The following GAB2 variants were observed in gnomAD, a reference collection of about 807,000 sequenced individuals.
GAB2 encodes the protein GRB2 associated binding protein 2, also known as GRB2-associated-binding protein 2.
Under a neutral mutation model 65.5 loss-of-function variants are expected in GAB2, and 26 were observed. The ratio of observed to expected loss-of-function variants is 0.40; its 90% CI spans 0.29 to 0.55. The LOEUF (loss-of-function observed/expected upper bound fraction) is 0.55. Among genes scored for constraint, GAB2 ranks in the 20% least tolerant of loss-of-function variants. The probability of loss-of-function intolerance (pLI) is 0.53; values close to 1 mark genes in which losing one functional copy is unlikely to be tolerated. For synonymous variants in GAB2, 321 were observed against 329.6 expected (o/e 0.97, Z 0.28); for missense variants, 884 against 875.8 (o/e 1.01, Z -0.12).
chr11:78,256,532 C>T (rs1479289026), intron 2 of GAB2, among the ~76,000 whole-genome samples: 2 of 152,188 alleles, frequency 1.3e-5, no homozygotes, highest in South Asian at 4.1e-4. Context: ...AAATTTTACT[C>T]CCAGTGAGTG....
intron 1 of GAB2, among the ~76,000 whole-genome samples, chr11:78,398,799 TTCCAGGTCTGGGTCAGAAAATGTACAAGA>T (rs1856934849): frequency 6.6e-6 from 1 of 152,202 alleles, no homozygotes; most frequent in Non-Finnish European, 1.5e-5. Flanking sequence ...GGCTAGCTAA[TTCCAGGTCTGGGTCAGAAAATGTACAAGA>T]TAAACTTGGA....
At chr11:78,239,242 A>G (rs915929315) in intron 3 of GAB2, among the ~76,000 whole-genome samples, 2 of 152,016 alleles carry the variant, frequency 1.3e-5, no homozygotes, top group African/African-American at 4.8e-5. Context: ...TTTTTTTGAG[A>G]TAGAGTCTTG....
At chr11:78,244,763 G>A (rs978486390) in intron 3 of GAB2, among the ~76,000 whole-genome samples, 2 of 151,774 alleles carry the variant, frequency 1.3e-5, no homozygotes, top group African/African-American at 4.8e-5. Context: ...AGTTGGGATG[G>A]CTATTTTCCA....
At chr11:78,382,848 A>T (rs1467431198) in intron 1 of GAB2, among the ~76,000 whole-genome samples, 1 of 152,246 alleles carries the variant, frequency 6.6e-6, no homozygotes, top group African/African-American at 2.4e-5. Flanking sequence ...TTAGAAGTCA[A>T]CAGTATGAGA....
At chr11:78,319,577 A>G (rs529556570) in intron 1 of GAB2, among the ~76,000 whole-genome samples, 5 of 152,348 alleles carry the variant, frequency 3.3e-5, no homozygotes, top group Admixed American at 3.3e-4. Context: ...AGAACCAGAC[A>G]TAATGACAGA....
chr11:78,402,337 G>A (rs1049631162), intron 1 of GAB2, among the ~76,000 whole-genome samples: 1 of 151,490 alleles, frequency 6.6e-6, no homozygotes, highest in Non-Finnish European at 1.5e-5. Context: ...TTTTTTCTTT[G>A]CAGTCCCAGA....
intron 2 of GAB2, among the ~76,000 whole-genome samples, chr11:78,254,393 T>C (rs1865539048): frequency 6.6e-6 from 1 of 152,202 alleles, no homozygotes; most frequent in Non-Finnish European, 1.5e-5. Flanking sequence ...TTAAGGTCTG[T>C]TAAGAAGATG....
intron 1 of GAB2, among the ~76,000 whole-genome samples, chr11:78,394,692 T>C (rs1259530932): frequency 2.6e-5 from 4 of 152,208 alleles, no homozygotes; most frequent in Non-Finnish European, 4.4e-5. Context: ...GGCACAGATA[T>C]GTCTTCCCTG....
chr11:78,289,160 G>A (rs538283221), intron 1 of GAB2, among the ~76,000 whole-genome samples: 1 of 152,304 alleles, frequency 6.6e-6, no homozygotes, highest in African/African-American at 2.4e-5. Context: ...AGCACTTTGG[G>A]GGGCCAAGGT....
In GAB2 at chr11:78,217,068, A is replaced by G. The variant is rs1038559568; in HGVS notation, c.*2204T>C. 4 of 152,394 alleles carry G rather than the reference A, an allele frequency of 2.6e-5. No homozygotes were observed. Among genetic ancestry groups the G allele is most frequent in the African/African-American group, 4.8e-5 (2 of 41,402 alleles). 9.4% of individuals were successfully genotyped at this position (152,394 alleles called of 1,614,324 possible). A position where few individuals can be genotyped will look rare whatever the true frequency, so the allele number is the denominator to read the frequency against. On this transcript the variant is annotated 3_prime_UTR_variant, in exon 10 of 10. Coordinates refer to ENST00000361507, the MANE Select transcript of GAB2 (RefSeq NM_080491.3). ...CCCAAGCCCTGCCCTCCTCCTCTGT[A>G]AAAATCTGACTCATCCCCTTCTAAG...
chr11:78,336,791 T>C (rs577703636), intron 1 of GAB2, among the ~76,000 whole-genome samples: 1 of 152,262 alleles, frequency 6.6e-6, no homozygotes, highest in South Asian at 2.1e-4. Flanking sequence ...CATGGGAACA[T>C]TAAGTGGCCA....
chr11:78,410,828 T>G (rs2135097329), intron 1 of GAB2, among the ~76,000 whole-genome samples: 1 of 151,964 alleles, frequency 6.6e-6, no homozygotes, highest in Non-Finnish European at 1.5e-5. Context: ...TACCAAAGGT[T>G]TAAAGAATTA....
intron 1 of GAB2, among the ~76,000 whole-genome samples, chr11:78,345,582 T>C (rs1373645146): frequency 1.3e-5 from 2 of 152,210 alleles, no homozygotes; most frequent in Non-Finnish European, 2.9e-5. Flanking sequence ...CTGAATAATT[T>C]AGGGTGGTCT....
rs1244875966 is a variant in GAB2, at chr11:78,310,376, G to A, written c.76-29475C>T. On this transcript the variant is annotated intron_variant, in intron 1 of 9. Coordinates refer to ENST00000361507, the MANE Select transcript of GAB2 (RefSeq NM_080491.3). The stretch of plus-strand genomic sequence containing the variant: ...AAAAAAAAAAAAATTAGCCGGGCAC[G>A]GTGGTGGGCGCCTGTAGTCCCAGCT... Among the ~76,000 whole-genome samples, 20 of 150,688 alleles carry A rather than the reference G, an allele frequency of 1.3e-4. No individual in the cohort carries two copies. The East Asian group carries it at 3.9e-3, about 29-fold the overall frequency.
Position 78,226,459 on chromosome 11 carries a change from A to G in GAB2, c.1207+6T>C. On this transcript the variant is annotated splice_donor_region_variant and intron_variant, in intron 4 of 9. Transcript: ENST00000361507. ...CCTCTGAGTCTCAGCTAGGACTTATACTGACCTCGGTGAAGTCGGCTGTTG... is the reference window on the plus strand; with the variant it reads ...CCTCTGAGTCTCAGCTAGGACTTATGCTGACCTCGGTGAAGTCGGCTGTTG... 1 of 1,607,334 alleles carries G rather than the reference A, an allele frequency of 6.2e-7. No homozygotes were observed.
chr11:78,379,769 T>C (rs1360356111), intron 1 of GAB2, among the ~76,000 whole-genome samples: 1 of 152,168 alleles, frequency 6.6e-6, no homozygotes, highest in Non-Finnish European at 1.5e-5. Context: ...CCTGAACAAA[T>C]AAATCAAGGG....
chr11:78,283,482 C>G (rs1278095164), intron 1 of GAB2, among the ~76,000 whole-genome samples: 2 of 152,178 alleles, frequency 1.3e-5, no homozygotes, highest in Non-Finnish European at 2.9e-5. Context: ...CCAACTATGG[C>G]CCAGTTTTTC....
intron 1 of GAB2, chr11:78,392,242 A>AAC (rs1856843355): frequency 7.4e-6 from 1 of 134,286 alleles, no homozygotes; most frequent in African/African-American, 3.3e-5. Context: ...CTTCTCGAAC[A>AAC]AAAAAAAAAA....
intron 1 of GAB2, among the ~76,000 whole-genome samples, chr11:78,333,339 C>T (rs532012493): frequency 6.6e-6 from 1 of 152,290 alleles, no homozygotes; most frequent in East Asian, 1.9e-4. Flanking sequence ...GATCATGGCT[C>T]ACTCCAGCCT....
Sources: allele counts gnomAD v4.1 joint callset (sites outside exome capture counted in the v4.1 genomes callset), GRCh38; gene constraint gnomAD v4.1.1; transcripts MANE v1.5; gene names NCBI Gene and HGNC (gene_info 2026-07-23, HGNC 2026-07-21).